The following ADAMTS6 variants were observed in gnomAD, a reference collection of about 807,000 sequenced individuals.
ADAMTS6 encodes ADAM metallopeptidase with thrombospondin type 1 motif 6.
Under a neutral mutation model 144.3 loss-of-function variants are expected in ADAMTS6, and 23 were observed. The ratio of observed to expected loss-of-function variants is 0.16; its 90% CI spans 0.11 to 0.23. ADAMTS6 has a LOEUF of 0.23. Among genes scored for constraint, ADAMTS6 ranks in the 10% least tolerant of loss-of-function variants. ADAMTS6 has a pLI of 1.00. For missense variants in ADAMTS6, 999 were observed against 1,379.6 expected (o/e 0.72, Z 4.37); for synonymous variants, 444 against 457.5 (o/e 0.97, Z 0.38).
At chr5:65,474,640 A>G (rs762536693) in intron 1 of ADAMTS6, among the ~76,000 whole-genome samples, 21 of 152,126 alleles carry the variant, frequency 1.4e-4, no homozygotes, top group Non-Finnish European at 2.9e-4. Flanking sequence ...GTCCTAGCTC[A>G]TGTACTTTAC....
intron 18 of ADAMTS6, among the ~76,000 whole-genome samples, chr5:65,221,062 A>G (rs1234232747): frequency 6.6e-6 from 1 of 152,230 alleles, no homozygotes; most frequent in African/African-American, 2.4e-5. Context: ...ATAGCTTCAC[A>G]GTTGAATTCT....
At chr5:65,345,808 C>G (rs1185776687) in intron 7 of ADAMTS6, among the ~76,000 whole-genome samples, 1 of 151,432 alleles carries the variant, frequency 6.6e-6, no homozygotes, top group Non-Finnish European at 1.5e-5. Context: ...CAGTTCTGAC[C>G]CTATTTACAA....
At chr5:65,345,402 T>C (rs947027410) in intron 7 of ADAMTS6, among the ~76,000 whole-genome samples, 16 of 151,770 alleles carry the variant, frequency 1.1e-4, no homozygotes, top group Non-Finnish European at 5.9e-5. Context: ...ATTTAAAAGG[T>C]ATATTTAATA....
intron 10 of ADAMTS6, among the ~76,000 whole-genome samples, chr5:65,297,646 A>G (rs1742971195): frequency 1.3e-5 from 2 of 152,346 alleles, no homozygotes; most frequent in Middle Eastern, 3.4e-3. Flanking sequence ...TGTTAAAGCA[A>G]TTAAGTTCAC....
chr5:65,305,187 C>G (rs1049859909), intron 9 of ADAMTS6, among the ~76,000 whole-genome samples: 1 of 152,114 alleles, frequency 6.6e-6, no homozygotes, highest in Non-Finnish European at 1.5e-5. Context: ...GTTGCAAAAT[C>G]TTTACTATTT....
intron 7 of ADAMTS6, among the ~76,000 whole-genome samples, chr5:65,371,168 G>A (rs1168989363): frequency 6.6e-6 from 1 of 152,088 alleles, no homozygotes; most frequent in African/African-American, 2.4e-5. Flanking sequence ...CAAAGATGGG[G>A]AAAAAAACAG....
At chr5:65,428,483 T>C (rs1419750283) in intron 7 of ADAMTS6, among the ~76,000 whole-genome samples, 1 of 152,120 alleles carries the variant, frequency 6.6e-6, no homozygotes, top group Non-Finnish European at 1.5e-5. Context: ...TACAACTCTA[T>C]TGAAAAGTAA....
At chr5:65,374,007 C>T (rs1314774131) in intron 7 of ADAMTS6, among the ~76,000 whole-genome samples, 5 of 152,170 alleles carry the variant, frequency 3.3e-5, no homozygotes, top group African/African-American at 4.8e-5. Flanking sequence ...AAGAGAAAAA[C>T]CACATGATTA....
chr5:65,365,226 A>C (rs979782138), intron 7 of ADAMTS6, among the ~76,000 whole-genome samples: 3 of 152,182 alleles, frequency 2.0e-5, no homozygotes, highest in Non-Finnish European at 4.4e-5. Flanking sequence ...TAGGGACAAT[A>C]ATATGTCTTA....
intron 7 of ADAMTS6, among the ~76,000 whole-genome samples, chr5:65,350,422 C>T (rs1338395478): frequency 6.6e-6 from 1 of 152,092 alleles, no homozygotes; most frequent in Non-Finnish European, 1.5e-5. Flanking sequence ...CTTTGTGGTC[C>T]TCTTCCGAAC....
At chr5:65,185,030 C>T (rs1754586665) in intron 22 of ADAMTS6, among the ~76,000 whole-genome samples, 2 of 152,114 alleles carry the variant, frequency 1.3e-5, no homozygotes, top group African/African-American at 4.8e-5. Flanking sequence ...GGGAGGTTTT[C>T]ATGGGTGTGT....
chr5:65,293,061 T>G (rs1040669459), intron 10 of ADAMTS6, among the ~76,000 whole-genome samples: 1 of 152,086 alleles, frequency 6.6e-6, no homozygotes, highest in African/African-American at 2.4e-5. Flanking sequence ...TTTAGGCAAA[T>G]GTAATGCTAC....
intron 11 of ADAMTS6, among the ~76,000 whole-genome samples, chr5:65,277,949 C>G (rs1762687072): frequency 1.3e-5 from 2 of 152,140 alleles, no homozygotes; most frequent in African/African-American, 4.8e-5. Context: ...GTAGTGTACA[C>G]TGTAACTAAT....
At chr5:65,198,776 C>G (rs1180271283) in intron 20 of ADAMTS6, 1 of 163,134 alleles carries the variant, frequency 6.1e-6, no homozygotes, top group Admixed American at 6.5e-5. Context: ...GTATTGTATT[C>G]CTTCCCTCCC....
rs746310115 is a variant in ADAMTS6 at position 65,215,331 on chromosome 5, A to G, written c.2429T>C (p.Ile810Thr). ...EALGPTSENLIVMVLLQEQNL... is the reference protein window; with the variant it reads ...EALGPTSENLTVMVLLQEQNL... ...TGGCAAAGACGCATTTACCATGACG[A>G]TGAGATTTTCTGAGGTAGGACCTAG... Residue 810 changes from isoleucine (I) to threonine (T), a missense_variant, in exon 19 of 25, where the codon ATC (isoleucine) becomes ACC (threonine). By Grantham distance (89) the Ile-to-Thr change is moderately conservative. Coordinates refer to ENST00000381055, the MANE Select transcript of ADAMTS6 (RefSeq NM_197941.4). The G allele has an allele frequency of 9.9e-6, 16 of 1,613,138 alleles. 1 individual carries two copies. The Admixed American group carries it at 2.7e-4, about 27-fold the overall frequency.
Position 65,276,415 on chromosome 5 carries a change from T to A in ADAMTS6, c.1513-2968A>T, listed in dbSNP as rs377486158. Among the ~76,000 whole-genome samples, 312 of 152,322 alleles carry A rather than the reference T, an allele frequency of 2.0e-3. 2 individuals carry two copies. The highest frequency in any genetic ancestry group is 7.2e-3 in the African/African-American group (299 of 41,582). ...AGGCTCTGAAGAGTTTTCAGATAGA[T>A]CTTGCAATTTGAATCTCAACTTGAA... On this transcript the variant is annotated intron_variant, in intron 11 of 24. Coordinates refer to ENST00000381055, the MANE Select transcript of ADAMTS6 (RefSeq NM_197941.4).
chr5:65,464,347 T>G (rs1759840949), intron 3 of ADAMTS6, among the ~76,000 whole-genome samples: 1 of 151,978 alleles, frequency 6.6e-6, no homozygotes, highest in Admixed American at 6.5e-5. Flanking sequence ...ACACCTTAAA[T>G]AAGATATTCA....
intron 24 of ADAMTS6, among the ~76,000 whole-genome samples, chr5:65,156,756 G>A (rs1445298823): frequency 1.3e-5 from 2 of 152,260 alleles, no homozygotes; most frequent in East Asian, 1.9e-4. Flanking sequence ...AAGCCAGTGG[G>A]TCAAGGATTT....
intron 12 of ADAMTS6, among the ~76,000 whole-genome samples, chr5:65,270,931 T>C (rs185508760): frequency 1.4e-3 from 220 of 152,254 alleles, no homozygotes; most frequent in Middle Eastern, 0.01. Context: ...TTTTTTCAAA[T>C]GTATATATAT....
Sources: allele counts gnomAD v4.1 joint callset (sites outside exome capture counted in the v4.1 genomes callset), GRCh38; gene constraint gnomAD v4.1.1; transcripts MANE v1.5; gene names NCBI Gene and HGNC (gene_info 2026-07-23, HGNC 2026-07-21).